The following GOLGA2 variants were observed in gnomAD, a reference collection of about 807,000 sequenced individuals.
GOLGA2 encodes the protein golgin A2.
Under a neutral mutation model 148.8 loss-of-function variants are expected in GOLGA2, and 49 were observed. That is an observed-to-expected ratio of 0.33 (90% CI 0.26 to 0.42). The LOEUF (loss-of-function observed/expected upper bound fraction) is 0.42, where lower values mean the gene tolerates loss of function less well. Among genes scored for constraint, GOLGA2 ranks in the 10% least tolerant of loss-of-function variants. The probability of loss-of-function intolerance (pLI) is 1.00; values close to 1 mark genes in which losing one functional copy is unlikely to be tolerated. For missense variants in GOLGA2, 1,178 were observed against 1,304.6 expected (o/e 0.90, Z 1.49); for synonymous variants, 501 against 511.8 (o/e 0.98, Z 0.28).
chr9:128,268,571 G>T, intron 3 of GOLGA2, 47 bp from the exon 4 acceptor site: 1 of 985,374 alleles, frequency 1.0e-6, no homozygotes, highest in Non-Finnish European at 1.6e-6. Context: ...CGGGAGAGGT[G>T]CCTCAGTACT....
intron 1 of GOLGA2, chr9:128,275,251 G>A: frequency 1.7e-6 from 1 of 605,700 alleles, no homozygotes; most frequent in East Asian, 3.3e-5. Context: ...GCTGTGACCA[G>A]AGGAACCAGA....
chr9:128,258,393 G>A lies in GOLGA2; in HGVS notation c.2289+62C>T. The A allele has an allele frequency of 7.0e-7, 1 of 1,428,404 alleles. No individual in the cohort carries two copies. The highest frequency in any genetic ancestry group is 1.2e-5 in the South Asian group (1 of 86,564). The allele number at this position is 1,428,404 out of a possible 1,614,324, so 88.5% of individuals were successfully genotyped here. A position where few individuals can be genotyped will look rare whatever the true frequency, so the allele number is the denominator to read the frequency against. ...GAAGGCCGGGAAACCAAGAGCAGAA[G>A]GGGGTCTGGGAGGGACCACAGAGGG... On this transcript the variant is annotated intron_variant, in intron 22 of 26. Transcript: ENST00000611957. This position sits in a 1 kb window ranked among gnomAD's most constrained non-coding sequence, Gnocchi z 6.6.
chr9:128,256,950 G>A lies in GOLGA2; in HGVS notation c.*117C>T. 2.7e-6 allele frequency: 2 copies of A among 749,740 alleles called. No individual in the cohort carries two copies. Among genetic ancestry groups the A allele is most frequent in the East Asian group, 2.5e-5 (1 of 39,768 alleles). The allele number at this position is 749,740 out of a possible 1,614,324, so 46.4% of individuals were successfully genotyped here. ...TGCACCTGTCTACCCCCGTTAGACA[G>A]GGGTCTATGCTTGCTACTGTAAGGG... On this transcript the variant is annotated 3_prime_UTR_variant, in exon 27 of 27. Coordinates refer to ENST00000611957, the MANE Select transcript of GOLGA2 (RefSeq NM_001366244.2).
chr9:128,263,155 A>G, intron 12 of GOLGA2, 63 bp from the exon 13 acceptor site: 3 of 909,922 alleles, frequency 3.3e-6, no homozygotes, highest in Non-Finnish European at 5.5e-6. Context: ...CCAACCAGTA[A>G]CAACAGCTAC....
At chr9:128,259,955 A>T in intron 19 of GOLGA2, 121 bp downstream of exon 19, 2 of 730,986 alleles carry the variant, frequency 2.7e-6, no homozygotes, top group Non-Finnish European at 4.9e-6. Context: ...CAGTCACAGG[A>T]CTGCCCTGGA....
intron 2 of GOLGA2, 36 bp downstream of exon 2, chr9:128,273,814 C>A: frequency 6.2e-7 from 1 of 1,610,412 alleles, no homozygotes; most frequent in Non-Finnish European, 8.5e-7. Context: ...CCCCTTGGGC[C>A]CCCTGTCCCC....
chr9:128,261,100 G>A lies in GOLGA2; in HGVS notation c.1420+72C>T, dbSNP rs910863709. 9.8e-7 allele frequency: 1 copy of A among 1,019,396 alleles called. No individual in the cohort carries two copies. 63.1% of individuals were successfully genotyped at this position (1,019,396 alleles called of 1,614,324 possible). Reference sequence around the variant, plus strand: ...AGCCATTCCATCCACCCAACTCCCTGGGGCATTCTAAACCACCCCCACAAC... The same window carrying A: ...AGCCATTCCATCCACCCAACTCCCTAGGGCATTCTAAACCACCCCCACAAC... On this transcript the variant is annotated intron_variant, in intron 17 of 26. Coordinates refer to ENST00000611957, the MANE Select transcript of GOLGA2 (RefSeq NM_001366244.2). This position sits in a 1 kb window ranked among gnomAD's most constrained non-coding sequence, Gnocchi z 5.7.
At chr9:128,275,798 G>C (rs904511036) in intron 1 of GOLGA2, 95 bp downstream of exon 1, 1 of 685,566 alleles carries the variant, frequency 1.5e-6, no homozygotes, top group African/African-American at 1.9e-5. Flanking sequence ...AGCCCAGCCC[G>C]GTGTGCCTCA....
At position 128,268,232 on chromosome 9, in the gene GOLGA2, G is replaced by A. The variant is rs561929590; in HGVS notation, c.394-72C>T. 5.2e-6 allele frequency: 7 copies of A among 1,345,618 alleles called. No homozygotes were observed. The African/African-American group carries it at 1.0e-4, about 19-fold the overall frequency. The allele number at this position is 1,345,618 out of a possible 1,614,324, so 83.4% of individuals were successfully genotyped here. A position where few individuals can be genotyped will look rare whatever the true frequency, so the allele number is the denominator to read the frequency against. ...AATCACCCAGGATGGGGTGAGTCAAGCTCCCAAACTCATTCTAACAATCTT... is the reference window on the plus strand; with the variant it reads ...AATCACCCAGGATGGGGTGAGTCAAACTCCCAAACTCATTCTAACAATCTT... On this transcript the variant is annotated intron_variant, in intron 4 of 26. Coordinates refer to ENST00000611957, the MANE Select transcript of GOLGA2 (RefSeq NM_001366244.2).
rs369587258 is a variant in GOLGA2, at chr9:128,260,042, G to T, written c.1872+34C>A. On this transcript the variant is annotated intron_variant, in intron 19 of 26. Transcript: ENST00000611957. This position sits in a 1 kb window ranked among gnomAD's most constrained non-coding sequence, Gnocchi z 4.8. ...CACCCCTCCCCAGAGGCTGGTGCCC[G>T]CCTCCCAGCCCTTCTTGGATGGGGC... The T allele has an allele frequency of 6.8e-7, 1 of 1,474,984 alleles. No homozygotes were observed. 91.4% of individuals were successfully genotyped at this position (1,474,984 alleles called of 1,614,324 possible).
Position 128,274,834 on chromosome 9 carries a change from GC to G in GOLGA2, c.85-863del, listed in dbSNP as rs533945466. Reference sequence around the variant, plus strand: ...AGGGAGACTGATGCTTCAGAAAGATGCCCCGTATTTATCCTGTGGCACTCCA... The same window carrying G: ...AGGGAGACTGATGCTTCAGAAAGATGCCCGTATTTATCCTGTGGCACTCCA... On this transcript the variant is annotated intron_variant, in intron 1 of 26. Coordinates refer to ENST00000611957, the MANE Select transcript of GOLGA2 (RefSeq NM_001366244.2). Among the ~76,000 whole-genome samples the G allele has an allele frequency of 4.0e-3, 605 of 152,242 alleles. 2 individuals carry two copies. Among genetic ancestry groups the G allele is most frequent in the Non-Finnish European group, 6.6e-3 (448 of 68,026 alleles).
Position 128,257,061 on chromosome 9 carries a change from C to T in GOLGA2, c.*6G>A, listed in dbSNP as rs150681581. On this transcript the variant is annotated 3_prime_UTR_variant, in exon 27 of 27. Transcript: ENST00000611957. This position sits in a 1 kb window ranked among gnomAD's most constrained non-coding sequence, Gnocchi z 8.0. ...TTCTTCAGGCTTTGCTGACAGTAGCCGGCTTTTAGATGACAGTGATCTTCA... is the reference window on the plus strand; with the variant it reads ...TTCTTCAGGCTTTGCTGACAGTAGCTGGCTTTTAGATGACAGTGATCTTCA... 722 of 1,605,106 alleles carry T rather than the reference C, an allele frequency of 4.5e-4. 2 individuals are homozygous for T. The African/African-American group carries it at 8.4e-3, about 19-fold the overall frequency.
rs148620400 is a variant in GOLGA2 at position 128,268,497 on chromosome 9, G to C, written c.316C>G (p.Gln106Glu). 1.2e-3 allele frequency: 1,998 copies of C among 1,610,324 alleles called. 3 individuals are homozygous for C. The highest frequency in any genetic ancestry group is 1.6e-3 in the Non-Finnish European group (1,924 of 1,177,402). The change falls in exon 4 of 27, where the codon CAA becomes GAA. Residue 106 changes from glutamine to glutamate, a missense_variant. Coordinates refer to ENST00000611957, the MANE Select transcript of GOLGA2 (RefSeq NM_001366244.2). ...GGTAACACGGTGTCATCAGATGGTT[G>C]TAGAGTAGCAGCATTGTCCTTGGGT... The part of the protein sequence containing the change: ...KTPKDNAATL[Q>E]PSDDTVLPGG...
rs1163266903 is a variant in GOLGA2 at position 128,261,413 on chromosome 9, CCTAT to C, written c.1332+37_1332+40del. ...GCAGATGCCCAGAAAGATCAAGTGA[CCTAT>C]CTAAGGTTGAGGGGGAGCTGAAGGG... On this transcript the variant is annotated intron_variant, in intron 16 of 26. Coordinates refer to ENST00000611957, the MANE Select transcript of GOLGA2 (RefSeq NM_001366244.2). This position sits in a 1 kb window ranked among gnomAD's most constrained non-coding sequence, Gnocchi z 5.7. 1 of 1,276,658 alleles carries C rather than the reference CCTAT, an allele frequency of 7.8e-7. No individual in the cohort carries two copies. Among genetic ancestry groups the C allele is most frequent in the Non-Finnish European group, 1.1e-6 (1 of 871,978 alleles). The allele number at this position is 1,276,658 out of a possible 1,614,324, so 79.1% of individuals were successfully genotyped here. A position where few individuals can be genotyped will look rare whatever the true frequency, so the allele number is the denominator to read the frequency against.
chr9:128,263,240 G>A (rs1588483260), intron 12 of GOLGA2, 148 bp from the exon 13 acceptor site: 2 of 673,572 alleles, frequency 3.0e-6, no homozygotes, highest in East Asian at 5.1e-5. Flanking sequence ...CCAAGCCCAT[G>A]GTCTCATTTT....
chr9:128,260,703 G>A lies in GOLGA2; in HGVS notation c.1520C>T (p.Ala507Val). The A allele has an allele frequency of 1.9e-6, 3 of 1,613,428 alleles. No homozygotes were observed. Among genetic ancestry groups the A allele is most frequent in the Non-Finnish European group, 2.5e-6 (3 of 1,179,894 alleles). Residue 507 changes from alanine to valine, a missense_variant, in exon 18 of 27, where the codon GCA (alanine) becomes GTA (valine). Ala to Val is a moderately conservative substitution (Grantham distance 64, BLOSUM62 0). Transcript: ENST00000611957. This position sits in a 1 kb window ranked among gnomAD's most constrained non-coding sequence, Gnocchi z 4.8. ...TTGCACCTGGGCTTGAAGCTGTCCT[G>A]CCAGACCCTCCAGCTCCTTCCGCAG... ...EHLRKELEGLAGQLQAQVQDN... is the reference protein window; with the variant it reads ...EHLRKELEGLVGQLQAQVQDN...
At chr9:128,262,787 C>A (rs1397782089) in intron 13 of GOLGA2, 83 bp from the exon 14 acceptor site, 9 of 1,332,078 alleles carry the variant, frequency 6.8e-6, no homozygotes, top group Non-Finnish European at 9.5e-6. Context: ...CCTTGCCCCA[C>A]AACCACAGAA....
chr9:128,260,791 G>A lies in GOLGA2; in HGVS notation c.1432C>T (p.Pro478Ser), dbSNP rs1188242536. The change falls in exon 18 of 27, where the codon CCC (proline) becomes TCC (serine). Residue 478 changes from proline (P) to serine (S), a missense_variant. By Grantham distance (74) the Pro-to-Ser change is moderately conservative. Transcript: ENST00000611957. This position sits in a 1 kb window ranked among gnomAD's most constrained non-coding sequence, Gnocchi z 4.8. ...ELRNQMAEPP[P>S]PEPPAGPSEV... ...GAGGGCCCTGCTGGGGGCTCTGGGGGCGGGGGTTCAGCTGAGAAAGGACGC... is the reference window on the plus strand; with the variant it reads ...GAGGGCCCTGCTGGGGGCTCTGGGGACGGGGGTTCAGCTGAGAAAGGACGC... 1.2e-6 allele frequency: 2 copies of A among 1,604,976 alleles called. No homozygotes were observed. Among genetic ancestry groups the A allele is most frequent in the Non-Finnish European group, 1.7e-6 (2 of 1,175,614 alleles).
intron 2 of GOLGA2, among the ~76,000 whole-genome samples, chr9:128,273,096 A>G (rs1314782640): frequency 6.6e-6 from 1 of 152,238 alleles, no homozygotes; most frequent in East Asian, 1.9e-4. Context: ...GCAGTCACAC[A>G]GAGTGGAGTC....
Sources: allele counts gnomAD v4.1 joint callset (sites outside exome capture counted in the v4.1 genomes callset), GRCh38; gene constraint gnomAD v4.1.1; non-coding constraint Gnocchi (gnomAD v3.1); transcripts MANE v1.5; gene names NCBI Gene and HGNC (gene_info 2026-07-23, HGNC 2026-07-21).